CHKA: variants seen among roughly 807,000 people sequenced by gnomAD.
CHKA encodes the protein choline kinase alpha.
Under a neutral mutation model 60.1 loss-of-function variants are expected in CHKA, and 34 were observed. The observed-to-expected ratio is 0.57, with a 90% CI of 0.43 to 0.75. The LOEUF is 0.75. CHKA is among the 30% of genes least tolerant of loss of function. The pLI, the probability that CHKA is intolerant of heterozygous loss-of-function variation, is 0.00. For missense variants in CHKA, 563 were observed against 561.3 expected (o/e 1.00, Z -0.03); for synonymous variants, 217 against 223.1 (o/e 0.97, Z 0.24).
intron 1 of CHKA, among the ~76,000 whole-genome samples, chr11:68,109,495 A>C (rs572494709): frequency 6.6e-6 from 1 of 152,266 alleles, no homozygotes; most frequent in South Asian, 2.1e-4. Flanking sequence ...CAGAGCCTAA[A>C]CTTCCTGAGA....
chr11:68,075,774 C>T (rs1037095269), intron 3 of CHKA, among the ~76,000 whole-genome samples: 11 of 152,046 alleles, frequency 7.2e-5, no homozygotes, highest in Admixed American at 2.6e-4. Flanking sequence ...CCCACCACCA[C>T]CGAAGTCTCT....
In CHKA at chr11:68,097,134, TCAGAAATAAGAGGA is replaced by T. The variant is rs777724194; in HGVS notation, c.351-18_351-5del. On this transcript the variant is annotated splice_polypyrimidine_tract_variant and splice_region_variant and intron_variant, in intron 1 of 11. Coordinates refer to ENST00000265689, the MANE Select transcript of CHKA (RefSeq NM_001277.3). ...CAGCATGTTGCTAAGGCCGCCTCTG[TCAGAAATAAGAGGA>T]CAGTAAGTATCTTTATTGCAGGTGA... 6.2e-7 allele frequency: 1 copy of T among 1,608,904 alleles called. No individual in the cohort carries two copies. The highest frequency in any genetic ancestry group is 2.2e-5 in the East Asian group (1 of 44,838).
At chr11:68,061,507 AAGTCGGGC>A in intron 11 of CHKA, 1 of 252,796 alleles carries the variant, frequency 4.0e-6, no homozygotes, top group Non-Finnish European at 8.2e-6. Flanking sequence ...TTCCAACCCA[AAGTCGGGC>A]ACTACAGGCT....
At chr11:68,070,063 T>C (rs779610520) in intron 6 of CHKA, 126 bp downstream of exon 6, 28 of 739,834 alleles carry the variant, frequency 3.8e-5, no homozygotes, top group Middle Eastern at 3.6e-4. Context: ...ACAAAACTTA[T>C]GGTTTAAATT....
chr11:68,085,542 C>T (rs1022395130), intron 2 of CHKA, among the ~76,000 whole-genome samples: 3 of 151,938 alleles, frequency 2.0e-5, no homozygotes, highest in Non-Finnish European at 4.4e-5. Context: ...TTTTGATTGG[C>T]CAAGAACTTT....
At chr11:68,067,231 C>T (rs1470710235) in intron 7 of CHKA, among the ~76,000 whole-genome samples, 1 of 152,222 alleles carries the variant, frequency 6.6e-6, no homozygotes, top group Admixed American at 6.5e-5. Context: ...AGCTCTCTCT[C>T]CTTAGGATTT....
intron 3 of CHKA, among the ~76,000 whole-genome samples, chr11:68,079,959 CTCTG>C (rs1313077257): frequency 1.3e-5 from 2 of 152,182 alleles, no homozygotes; most frequent in Non-Finnish European, 1.5e-5. Flanking sequence ...TACTTTGTGT[CTCTG>C]TGTCATGGCT....
chr11:68,065,822 T>G lies in CHKA; in HGVS notation c.1089A>C (p.Arg363Ser). ...TGGTGGGATACTTCCGGATGTTTGCTCTGAAAAAAGGGTATTTTTCATAGC... is the reference window on the plus strand; with the variant it reads ...TGGTGGGATACTTCCGGATGTTTGCGCTGAAAAAAGGGTATTTTTCATAGC... ...DYSYEKYPFFRANIRKYPTKK... is the reference protein window; with the variant it reads ...DYSYEKYPFFSANIRKYPTKK... Residue 363 changes from arginine to serine, a missense_variant, in exon 9 of 12, where the codon AGA (arginine) becomes AGC (serine). Transcript: ENST00000265689. The G allele has an allele frequency of 6.8e-6, 11 of 1,606,648 alleles. No individual in the cohort carries two copies. The highest frequency in any genetic ancestry group is 9.4e-6 in the Non-Finnish European group (11 of 1,173,888).
At chr11:68,063,219 A>C (rs867393733) in intron 10 of CHKA, among the ~76,000 whole-genome samples, 11 of 152,116 alleles carry the variant, frequency 7.2e-5, no homozygotes, top group Non-Finnish European at 1.5e-4. Flanking sequence ...GTTTGCAGGG[A>C]CAGATGCAGT....
At chr11:68,078,181 C>G (rs1459474503) in intron 3 of CHKA, among the ~76,000 whole-genome samples, 4 of 152,172 alleles carry the variant, frequency 2.6e-5, no homozygotes, top group Admixed American at 1.3e-4. Context: ...ATCCCCACAG[C>G]AATACTCACT....
rs778364222 is a variant in CHKA, at chr11:68,064,556, T to C, written c.1201A>G (p.Ile401Val). ...ENLSTEEKSI[I>V]KEEMLLEVNR... ...ACTTCAAGCAACATTTCTTCTTTTA[T>C]AATGGATTTTTCTTCAGTACTGAGG... The change falls in exon 10 of 12, where the codon ATA becomes GTA. Residue 401 changes from isoleucine (I) to valine (V), a missense_variant. Coordinates refer to ENST00000265689, the MANE Select transcript of CHKA (RefSeq NM_001277.3). 3.2e-6 allele frequency: 5 copies of C among 1,578,006 alleles called. No individual in the cohort carries two copies. The highest frequency in any genetic ancestry group is 3.4e-6 in the Non-Finnish European group (4 of 1,164,722).
intron 2 of CHKA, among the ~76,000 whole-genome samples, chr11:68,086,283 C>G (rs950348359): frequency 2.0e-5 from 3 of 152,030 alleles, no homozygotes; most frequent in Non-Finnish European, 4.4e-5. Context: ...CACTGCACCC[C>G]AGCCTGGCGA....
At chr11:68,091,051 C>T (rs576223807) in intron 2 of CHKA, among the ~76,000 whole-genome samples, 6 of 152,210 alleles carry the variant, frequency 3.9e-5, no homozygotes, top group Non-Finnish European at 7.3e-5. Context: ...ACTTGCTTCT[C>T]TGAAAAGGCT....
At chr11:68,083,971 G>C (rs887193103) in intron 2 of CHKA, among the ~76,000 whole-genome samples, 2 of 152,070 alleles carry the variant, frequency 1.3e-5, no homozygotes, top group Admixed American at 6.5e-5. Context: ...GGGGCCGGCG[G>C]GGGTGGCCCA....
intron 11 of CHKA, among the ~76,000 whole-genome samples, chr11:68,057,090 A>G (rs1856048058): frequency 6.6e-6 from 1 of 152,110 alleles, no homozygotes; most frequent in African/African-American, 2.4e-5. Flanking sequence ...ATTGGAGGGC[A>G]CCCATCTGGT....
At position 68,053,839 on chromosome 11, in the gene CHKA, A is replaced by G. The variant is rs1855892550; in HGVS notation, c.*149T>C. On this transcript the variant is annotated 3_prime_UTR_variant, in exon 12 of 12. Coordinates refer to ENST00000265689, the MANE Select transcript of CHKA (RefSeq NM_001277.3). Reference sequence around the variant, plus strand: ...ATGAAATAAACGTCGCTCCATTTTAATACCGTCTTTAGTATCATACACATG... The same window carrying G: ...ATGAAATAAACGTCGCTCCATTTTAGTACCGTCTTTAGTATCATACACATG... 1 of 564,830 alleles carries G rather than the reference A, an allele frequency of 1.8e-6. No individual in the cohort carries two copies. 35.0% of individuals were successfully genotyped at this position (564,830 alleles called of 1,614,324 possible).
chr11:68,064,729 G>A (rs1856382276), intron 9 of CHKA, 98 bp from the exon 10 acceptor site: 3 of 694,392 alleles, frequency 4.3e-6, no homozygotes, highest in Non-Finnish European at 7.4e-6. Flanking sequence ...CACACTGGGA[G>A]ACACACACTC....
At chr11:68,097,246 GATTTATTCTCTCAATTTAAC>G in intron 1 of CHKA, 116 bp from the exon 2 acceptor site, 2 of 620,290 alleles carry the variant, frequency 3.2e-6, no homozygotes, top group Non-Finnish European at 5.4e-6. Flanking sequence ...ATCTTATCTC[GATTTATTCTCTCAATTTAAC>G]TCCATGAGTC....
intron 2 of CHKA, among the ~76,000 whole-genome samples, chr11:68,090,356 TC>T (rs1164835708): frequency 6.6e-6 from 1 of 152,142 alleles, no homozygotes; most frequent in African/African-American, 2.4e-5. Context: ...CAACTTAAAT[TC>T]CTAATGATCC....
Sources: allele counts gnomAD v4.1 joint callset (sites outside exome capture counted in the v4.1 genomes callset), GRCh38; gene constraint gnomAD v4.1.1; transcripts MANE v1.5; gene names NCBI Gene and HGNC (gene_info 2026-07-23, HGNC 2026-07-21).